Variants in CDH13 observed in about 807,000 individuals in gnomAD.
CDH13 encodes the protein cadherin-13.
A neutral mutation model predicts 63.8 loss-of-function variants in CDH13; 24 were observed. The observed-to-expected ratio is 0.38, with a 90% CI of 0.27 to 0.53. The LOEUF (loss-of-function observed/expected upper bound fraction) is 0.53, where lower values mean the gene tolerates loss of function less well. Among genes scored for constraint, CDH13 ranks in the 20% least tolerant of loss-of-function variants. The probability of loss-of-function intolerance (pLI) is 0.85; values close to 1 mark genes in which losing one functional copy is unlikely to be tolerated. For missense variants in CDH13, 1,049 were observed against 903.1 expected (o/e 1.16, Z -2.07); for synonymous variants, 503 against 355.3 (o/e 1.42, Z -4.67).
chr16:83,626,464 G>C (rs1910315550), intron 8 of CDH13, among the ~76,000 whole-genome samples: 1 of 152,126 alleles, frequency 6.6e-6, no homozygotes, highest in African/African-American at 2.4e-5. Context: ...TATGAGCCAG[G>C]GTCTTTGCTG....
In CDH13 at chr16:83,669,281, G is replaced by A. The variant is rs572935302; in HGVS notation, c.1102-1509G>A. On this transcript the variant is annotated intron_variant, in intron 8 of 13. Coordinates refer to ENST00000567109, the MANE Select transcript of CDH13 (RefSeq NM_001257.5). ...TAATAACCATAATAGATTTTCATGC[G>A]CTTTAACCCTGGGGAATCCTGAATT... Among the ~76,000 whole-genome samples the A allele has an allele frequency of 1.4e-3, 211 of 152,182 alleles. 1 individual carries two copies. The highest frequency in any genetic ancestry group is 4.7e-3 in the African/African-American group (194 of 41,508).
intron 11 of CDH13, among the ~76,000 whole-genome samples, chr16:83,778,526 CAA>C (rs5818469): frequency 1.5e-3 from 206 of 141,370 alleles, no homozygotes; most frequent in African/African-American, 4.0e-3. Flanking sequence ...TGAGACTCAC[CAA>C]AAAAAAAAAA....
intron 5 of CDH13, among the ~76,000 whole-genome samples, chr16:83,249,114 T>C (rs1905241315): frequency 6.6e-6 from 1 of 152,220 alleles, no homozygotes; most frequent in African/African-American, 2.4e-5. Context: ...AACTTTTCTC[T>C]GCTGGACCTT....
chr16:82,666,667 G>C (rs1431039364), intron 1 of CDH13, among the ~76,000 whole-genome samples: 1 of 152,156 alleles, frequency 6.6e-6, no homozygotes, highest in African/African-American at 2.4e-5. Context: ...TGGTAACTGA[G>C]GCACGAAGAA....
chr16:83,533,864 G>A (rs141035603), intron 7 of CDH13, among the ~76,000 whole-genome samples: 1,737 of 152,020 alleles, frequency 0.011, 33 homozygotes, highest in African/African-American at 0.04. Context: ...CAAGTGATCC[G>A]CCCACCTCAG....
chr16:83,498,530 C>T (rs1313343037), intron 7 of CDH13, among the ~76,000 whole-genome samples: 1 of 152,146 alleles, frequency 6.6e-6, no homozygotes, highest in Non-Finnish European at 1.5e-5. Context: ...TCTTACATAT[C>T]ACCATGTGTC....
At chr16:82,826,282 T>G (rs1261094299) in intron 1 of CDH13, 2 of 152,210 alleles carry the variant, frequency 1.3e-5, no homozygotes, top group African/African-American at 4.8e-5. Context: ...TCTCATGAAG[T>G]TAGACTGCTT....
chr16:82,658,693 A>G (rs923055025), intron 1 of CDH13, among the ~76,000 whole-genome samples: 1 of 152,150 alleles, frequency 6.6e-6, no homozygotes, highest in African/African-American at 2.4e-5. Flanking sequence ...TTAGCACCCC[A>G]CTCAGCACAT....
At chr16:82,756,888 T>G (rs1471074269) in intron 1 of CDH13, among the ~76,000 whole-genome samples, 3 of 152,208 alleles carry the variant, frequency 2.0e-5, no homozygotes, top group African/African-American at 7.2e-5. Context: ...GTTTATATTA[T>G]TTTATTCTCA....
intron 2 of CDH13, among the ~76,000 whole-genome samples, chr16:82,978,770 G>A (rs1262597334): frequency 6.6e-6 from 1 of 152,258 alleles, no homozygotes; most frequent in African/African-American, 2.4e-5. Flanking sequence ...CAGTGCAGAA[G>A]GGAAATATGG....
chr16:83,004,186 C>T (rs1014820880), intron 2 of CDH13, among the ~76,000 whole-genome samples: 2 of 152,148 alleles, frequency 1.3e-5, no homozygotes, highest in South Asian at 2.1e-4. Flanking sequence ...TTCCTTATAC[C>T]GTGAGTATCT....
intron 1 of CDH13, among the ~76,000 whole-genome samples, chr16:82,664,782 G>C (rs1200703168): frequency 1.3e-5 from 2 of 152,114 alleles, no homozygotes; most frequent in African/African-American, 2.4e-5. Context: ...TTTTTGATAT[G>C]AAACAGTAAC....
intron 2 of CDH13, among the ~76,000 whole-genome samples, chr16:82,996,776 G>A (rs1396164956): frequency 6.6e-6 from 1 of 152,068 alleles, no homozygotes; most frequent in Non-Finnish European, 1.5e-5. Context: ...TGGTGATGAC[G>A]ATGGTGATGG....
chr16:83,344,000 C>T (rs904117176), intron 5 of CDH13, among the ~76,000 whole-genome samples: 1 of 152,198 alleles, frequency 6.6e-6, no homozygotes, highest in Admixed American at 6.5e-5. Context: ...CAGTGTCTTG[C>T]TCAAGGTCAC....
intron 4 of CDH13, among the ~76,000 whole-genome samples, chr16:83,163,281 A>C (rs1434550707): frequency 6.6e-6 from 1 of 152,034 alleles, no homozygotes; most frequent in Non-Finnish European, 1.5e-5. Context: ...AAATGGACTA[A>C]TACACTCACC....
At chr16:82,883,206 T>G (rs2040766013) in intron 2 of CDH13, among the ~76,000 whole-genome samples, 1 of 152,218 alleles carries the variant, frequency 6.6e-6, no homozygotes, top group Non-Finnish European at 1.5e-5. Flanking sequence ...TATGACCTAC[T>G]AAGCAGCTAT....
At chr16:83,779,323 CT>C (rs1330031830) in intron 11 of CDH13, among the ~76,000 whole-genome samples, 1 of 139,960 alleles carries the variant, frequency 7.1e-6, no homozygotes, top group African/African-American at 2.7e-5. Context: ...AGGGGAATCG[CT>C]TGAACCCGGG....
chr16:82,848,048 A>G (rs1322729523), intron 1 of CDH13, among the ~76,000 whole-genome samples: 2 of 152,230 alleles, frequency 1.3e-5, no homozygotes, highest in Non-Finnish European at 2.9e-5. Context: ...TATGCAGATT[A>G]AATAGTCTTT....
intron 5 of CDH13, among the ~76,000 whole-genome samples, chr16:83,292,267 C>G (rs1361590253): frequency 6.6e-6 from 1 of 152,174 alleles, no homozygotes; most frequent in Admixed American, 6.5e-5. Context: ...CACAGTGGGA[C>G]TCTTAGAAGT....
Sources: gnomAD v4.1 joint callset for allele counts (sites outside exome capture counted in the v4.1 genomes callset) on GRCh38, gnomAD v4.1.1 for gene constraint, MANE v1.5 for transcripts, NCBI Gene and HGNC (gene_info 2026-07-23, HGNC 2026-07-21) for gene names.